Variants in SURF4 observed in about 807,000 individuals in gnomAD.
The protein encoded by SURF4 is surfeit 4.
A neutral mutation model predicts 30.0 loss-of-function variants in SURF4; 3 were observed. The ratio of observed to expected loss-of-function variants is 0.10; its 90% confidence interval spans 0.05 to 0.26. The LOEUF is 0.26. Ranked by LOEUF, SURF4 falls within the 10% of genes least tolerant of loss-of-function variation. SURF4 has a pLI of 1.00. For synonymous variants in SURF4, 143 were observed against 139.9 expected, an observed-to-expected ratio of 1.02 and a Z score of -0.16; for missense variants, 217 against 350.8, an observed-to-expected ratio of 0.62 and a Z score of 3.05.
At chr9:133,368,393 AG>A (rs1443198286) in intron 1 of SURF4, among the ~76,000 whole-genome samples, 1 of 152,238 alleles carries the variant, frequency 6.6e-6, no homozygotes, top group African/African-American at 2.4e-5. Flanking sequence ...GTTGCAAACC[AG>A]GGCTGGCGCT....
At chr9:133,364,777 G>T (rs1019884254) in intron 5 of SURF4, 63 bp downstream of exon 5, 4 of 1,553,640 alleles carry the variant, frequency 2.6e-6, no homozygotes, top group African/African-American at 1.4e-5. Flanking sequence ...GAGCAGGGAG[G>T]GGGTGGGGGA....
chr9:133,364,708 A>G (rs1375393355), intron 5 of SURF4, 132 bp downstream of exon 5: 6 of 756,902 alleles, frequency 7.9e-6, no homozygotes, highest in Admixed American at 6.8e-5. Context: ...AAAAAAAAAA[A>G]GTTTGCTCCA....
intron 1 of SURF4, chr9:133,372,504 C>G: frequency 1.3e-6 from 1 of 773,554 alleles, no homozygotes; most frequent in Middle Eastern, 6.6e-4. Context: ...AAAGGAATGT[C>G]TATCATGGAC....
intron 3 of SURF4, 27 bp downstream of exon 3, chr9:133,366,572 G>A: frequency 6.2e-7 from 1 of 1,612,630 alleles, no homozygotes; most frequent in Non-Finnish European, 8.5e-7. Context: ...CAAAGAGAAG[G>A]GAGCCCCGAC....
intron 1 of SURF4, among the ~76,000 whole-genome samples, chr9:133,371,341 C>G (rs984686973): frequency 6.6e-6 from 1 of 152,228 alleles, no homozygotes; most frequent in Non-Finnish European, 1.5e-5. Flanking sequence ...AGAGCTGGCT[C>G]GAGCTCACTG....
intron 1 of SURF4, chr9:133,370,920 A>G: frequency 7.8e-6 from 10 of 1,289,708 alleles, no homozygotes; most frequent in Non-Finnish European, 1.0e-5. Context: ...GAACCGCGCC[A>G]TCAAGCAGGA....
upstream of SURF4, among the ~76,000 whole-genome samples, chr9:133,377,270 A>G (rs1217615990): frequency 1.3e-5 from 2 of 152,174 alleles, no homozygotes; most frequent in East Asian, 3.8e-4. Flanking sequence ...GGAAAAAAAA[A>G]TAGACTTGAT....
At chr9:133,366,513 G>T in intron 3 of SURF4, 86 bp downstream of exon 3, 1 of 1,430,560 alleles carries the variant, frequency 7.0e-7, no homozygotes. Context: ...AAGGGGGAGT[G>T]ACACTGAACC....
In SURF4 at chr9:133,363,664, A is replaced by C; in HGVS notation, c.639T>G (p.Phe213Leu). The part of the protein sequence containing the change: ...LAALTLVVWL[F>L]AINVYFNAFW... Reference sequence around the variant, plus strand: ...AGGCGTTGAAATATACGTTGATGGCAAAGAGCCACACAACAAGAGTCAAAG... The same window carrying C: ...AGGCGTTGAAATATACGTTGATGGCCAAGAGCCACACAACAAGAGTCAAAG... Residue 213 changes from phenylalanine (F) to leucine (L), a missense_variant, in exon 6 of 6, where the codon TTT becomes TTG. Transcript: ENST00000371989. This position sits in a 1 kb window ranked among gnomAD's most constrained non-coding sequence, Gnocchi z 4.3. 1.9e-6 allele frequency: 3 copies of C among 1,614,262 alleles called. No homozygotes were observed. Among genetic ancestry groups the C allele is most frequent in the Non-Finnish European group, 2.5e-6 (3 of 1,180,046 alleles).
Position 133,363,370 on chromosome 9 carries a change from G to A in SURF4, c.*123C>T. 1 of 1,471,396 alleles carries A rather than the reference G, an allele frequency of 6.8e-7. No individual in the cohort carries two copies. Among genetic ancestry groups the A allele is most frequent in the South Asian group, 1.2e-5 (1 of 84,878 alleles). The allele number at this position is 1,471,396 out of a possible 1,614,324, so 91.1% of individuals were successfully genotyped here. ...TGCAAATAAAGTTCTCAAAACATCT[G>A]TGCCTTTACCAAGGGAGGGGAAGGG... On this transcript the variant is annotated 3_prime_UTR_variant, in exon 6 of 6. Coordinates refer to ENST00000371989, the MANE Select transcript of SURF4 (RefSeq NM_033161.4). This position sits in a 1 kb window ranked among gnomAD's most constrained non-coding sequence, Gnocchi z 4.3.
chr9:133,371,207 A>C, intron 1 of SURF4: 1 of 880,158 alleles, frequency 1.1e-6, no homozygotes, highest in Non-Finnish European at 1.4e-6. Flanking sequence ...ATCGACGAAA[A>C]AGGCAGGTCA....
intron 3 of SURF4, among the ~76,000 whole-genome samples, chr9:133,366,253 TGTGGATTCAGA>T (rs1241775790): frequency 6.6e-6 from 1 of 152,244 alleles, no homozygotes; most frequent in African/African-American, 2.4e-5. Flanking sequence ...AGACCACTGA[TGTGGATTCAGA>T]TATTCTGTTC....
chr9:133,373,909 CAAAAAAAAAAAAAA>C (rs71824689), intron 1 of SURF4, among the ~76,000 whole-genome samples: 1,611 of 47,610 alleles, frequency 0.034, 70 homozygotes, highest in African/African-American at 0.075. Flanking sequence ...AATTCTGTCT[CAAAAAAAAAAAAAA>C]AAAAAAAAAA....
intron 1 of SURF4, chr9:133,375,300 C>T: frequency 1.0e-6 from 1 of 985,586 alleles, no homozygotes. Context: ...AGGCTGTGTA[C>T]AGGTCCCCAC....
chr9:133,376,040 G>T lies in SURF4; in HGVS notation c.-71C>A. 8.7e-7 allele frequency: 1 copy of T among 1,144,062 alleles called. No homozygotes were observed. The highest frequency in any genetic ancestry group is 1.1e-6 in the Non-Finnish European group (1 of 933,908). 70.9% of individuals were successfully genotyped at this position (1,144,062 alleles called of 1,614,324 possible). A position where few individuals can be genotyped will look rare whatever the true frequency, so the allele number is the denominator to read the frequency against. On this transcript the variant is annotated 5_prime_UTR_variant, in exon 1 of 6. Transcript: ENST00000371989. Reference sequence around the variant, plus strand: ...CTCTCGCCCGTCGGCGCCCGCACCCGCTGCGGCCTCCACAGGAAGTGCCCG... The same window carrying T: ...CTCTCGCCCGTCGGCGCCCGCACCCTCTGCGGCCTCCACAGGAAGTGCCCG...
At position 133,363,775 on chromosome 9, in the gene SURF4, C is replaced by T. The variant is rs142574849; in HGVS notation, c.544-16G>A. ...TCTGGACAATCTGCATAGGTTGAAA[C>T]GTAAGAAATTCAAAATAAATGTGAG... On this transcript the variant is annotated splice_polypyrimidine_tract_variant and intron_variant, in intron 5 of 5. Transcript: ENST00000371989. This position sits in a 1 kb window ranked among gnomAD's most constrained non-coding sequence, Gnocchi z 4.3. The T allele has an allele frequency of 1.8e-4, 285 of 1,613,280 alleles. No individual in the cohort carries two copies. In the African/African-American group the frequency reaches 1.9e-3, roughly 11 times the overall value.
chr9:133,367,595 A>AG, intron 1 of SURF4, 150 bp from the exon 2 acceptor site: 1 of 1,514,650 alleles, frequency 6.6e-7, no homozygotes, highest in East Asian at 2.5e-5. Flanking sequence ...AGGGCAGACT[A>AG]GGGGGCTCTC....
rs2130242890 is a variant in SURF4, at chr9:133,375,898, G to C, written c.48+24C>G. On this transcript the variant is annotated intron_variant, in intron 1 of 5. Coordinates refer to ENST00000371989, the MANE Select transcript of SURF4 (RefSeq NM_033161.4). ...GGCGGCCTGGGTCGGGACCGGGGCC[G>C]GGGGAGGAGCCCGCAGGCCGCACCT... The C allele has an allele frequency of 3.8e-5, 46 of 1,222,534 alleles. No homozygotes were observed. The East Asian group carries it at 1.3e-3, about 35-fold the overall frequency. The allele number at this position is 1,222,534 out of a possible 1,614,324, so 75.7% of individuals were successfully genotyped here.
At position 133,363,706 on chromosome 9, in the gene SURF4, A is replaced by C. The variant is rs1836977069; in HGVS notation, c.597T>G (p.Phe199Leu). The change falls in exon 6 of 6, where the codon TTT becomes TTG. Residue 199 changes from phenylalanine (F) to leucine (L), a missense_variant. By Grantham distance (22) the Phe-to-Leu change is conservative. Coordinates refer to ENST00000371989, the MANE Select transcript of SURF4 (RefSeq NM_033161.4). This position sits in a 1 kb window ranked among gnomAD's most constrained non-coding sequence, Gnocchi z 4.3. ...GAGTCAAAGCAGCCAGCTTGGTTTTAAAACCAATGGCCACTAAAATCATCA... is the reference window on the plus strand; with the variant it reads ...GAGTCAAAGCAGCCAGCTTGGTTTTCAAACCAATGGCCACTAAAATCATCA... ...TALMILVAIG[F>L]KTKLAALTLV... 1 of 1,614,270 alleles carries C rather than the reference A, an allele frequency of 6.2e-7. No individual in the cohort carries two copies. The highest frequency in any genetic ancestry group is 8.5e-7 in the Non-Finnish European group (1 of 1,180,050).
Sources: gnomAD v4.1 joint callset for allele counts (sites outside exome capture counted in the v4.1 genomes callset) on GRCh38, gnomAD v4.1.1 for gene constraint, Gnocchi (gnomAD v3.1) non-coding constraint, MANE v1.5 for transcripts, NCBI Gene and HGNC (gene_info 2026-07-23, HGNC 2026-07-21) for gene names.